The following C17orf75 variants were observed in gnomAD, a reference collection of about 807,000 sequenced individuals.
C17orf75 encodes the protein chromosome 17 open reading frame 75.
Under a neutral mutation model 49.6 loss-of-function variants are expected in C17orf75, and 32 were observed. That is an observed-to-expected ratio of 0.65 (90% confidence interval 0.49 to 0.87). C17orf75 has a LOEUF of 0.87. C17orf75 is among the 40% of genes least tolerant of loss of function. The pLI, the probability that C17orf75 is intolerant of heterozygous loss-of-function variation, is 0.00. For missense variants in C17orf75, 428 were observed against 473.9 expected, an observed-to-expected ratio of 0.90 and a Z score of 0.90; for synonymous variants, 158 against 159.5, an observed-to-expected ratio of 0.99 and a Z score of 0.07.
chr17:32,344,266 T>C, upstream of C17orf75: 1 of 315,138 alleles, frequency 3.2e-6, no homozygotes, highest in Non-Finnish European at 5.9e-6. Context: ...CCCGAAGTGC[T>C]GACATTACAG....
chr17:32,339,813 T>C lies in C17orf75; in HGVS notation c.347A>G (p.Lys116Arg). Residue 116 changes from lysine to arginine, a missense_variant and splice_region_variant, in exon 3 of 10, where the codon AAA (lysine) becomes AGA (arginine). By Grantham distance (26) the Lys-to-Arg change is conservative (BLOSUM62 2). Transcript: ENST00000577809. ...GLGNVASVELKIPGYRVGCYY... is the reference protein window; with the variant it reads ...GLGNVASVELRIPGYRVGCYY... ...AGGACACAGCACATTTTGCACTTAC[T>C]TTAGCTCCACAGATGCAACATTACC... 6.2e-7 allele frequency: 1 copy of C among 1,613,822 alleles called. No individual in the cohort carries two copies. The highest frequency in any genetic ancestry group is 8.5e-7 in the Non-Finnish European group (1 of 1,179,828).
At chr17:32,336,683 A>G (rs903076779) in intron 5 of C17orf75, among the ~76,000 whole-genome samples, 1 of 152,236 alleles carries the variant, frequency 6.6e-6, no homozygotes, top group South Asian at 2.1e-4. Flanking sequence ...ACTTCTGACC[A>G]TAATATAAAT....
At chr17:32,338,187 C>T (rs755709526) in intron 4 of C17orf75, 21 bp downstream of exon 4, 1 of 1,603,218 alleles carries the variant, frequency 6.2e-7, no homozygotes, top group Non-Finnish European at 8.5e-7. Context: ...CTGATGTTCT[C>T]AAAAACCAAA....
At chr17:32,337,786 T>G in intron 5 of C17orf75, 111 bp downstream of exon 5, 1 of 872,428 alleles carries the variant, frequency 1.1e-6, no homozygotes, top group Middle Eastern at 2.3e-4. Context: ...GGCTGGTCTC[T>G]GACCTTGTGA....
chr17:32,336,912 G>A (rs528626837), intron 5 of C17orf75, among the ~76,000 whole-genome samples: 2 of 152,238 alleles, frequency 1.3e-5, no homozygotes, highest in African/African-American at 2.4e-5. Flanking sequence ...TTGGGAGGCC[G>A]AGGCAGGTGG....
chr17:32,329,613 T>C lies in C17orf75; in HGVS notation c.*2150A>G, dbSNP rs1474669442. On this transcript the variant is annotated 3_prime_UTR_variant, in exon 10 of 10. Coordinates refer to ENST00000577809, the MANE Select transcript of C17orf75 (RefSeq NM_022344.4). ...AGAATATGTAATTACACCTTGCCTA[T>C]ATCCATAAATGATTTGAAGCAGGTA... is the stretch of plus-strand genomic sequence containing the variant. The C allele has an allele frequency of 6.6e-6, 1 of 152,200 alleles. No individual in the cohort carries two copies. Among genetic ancestry groups the C allele is most frequent in the African/African-American group, 2.4e-5 (1 of 41,448 alleles). The allele number at this position is 152,200 out of a possible 1,614,324, so 9.4% of individuals were successfully genotyped here. A position where few individuals can be genotyped will look rare whatever the true frequency, so the allele number is the denominator to read the frequency against.
upstream of C17orf75, chr17:32,344,238 A>T: frequency 2.7e-6 from 1 of 371,594 alleles, no homozygotes; most frequent in Non-Finnish European, 5.0e-6. Flanking sequence ...GGCTCAAGTG[A>T]TCCTTCTGCC....
At chr17:32,343,740 T>A, upstream of C17orf75, 1 of 611,816 alleles carries the variant, frequency 1.6e-6, no homozygotes, top group Non-Finnish European at 2.9e-6. Flanking sequence ...TCAGTTTCCT[T>A]ATCTCTCATT....
At chr17:32,338,656 T>C (rs2041306) in intron 3 of C17orf75, among the ~76,000 whole-genome samples, 96,801 of 152,046 alleles carry the variant, frequency 0.64, 32,466 homozygotes, top group African/African-American at 0.81. Context: ...TAAAAAAAAG[T>C]ATGTTCTCCC....
At chr17:32,346,957 CT>C (rs542637232), upstream of C17orf75, among the ~76,000 whole-genome samples, 171 of 144,802 alleles carry the variant, frequency 1.2e-3, 1 homozygote, top group Middle Eastern at 0.011. Flanking sequence ...TTCTTTCTTT[CT>C]TTTTTTTTTT....
At chr17:32,348,051 T>C (rs1188876873) in intron 1 of C17orf75, among the ~76,000 whole-genome samples, 1 of 150,980 alleles carries the variant, frequency 6.6e-6, no homozygotes, top group Non-Finnish European at 1.5e-5. Flanking sequence ...AGAGTCTTGC[T>C]CTGTCGCCCG....
At chr17:32,349,553 C>A (rs2041463420) in intron 1 of C17orf75, among the ~76,000 whole-genome samples, 2 of 151,786 alleles carry the variant, frequency 1.3e-5, no homozygotes, top group African/African-American at 4.9e-5. Flanking sequence ...TGCACTCCAG[C>A]CTGGGAGACA....
chr17:32,349,228 C>A (rs1567807792), intron 1 of C17orf75, among the ~76,000 whole-genome samples: 1 of 152,154 alleles, frequency 6.6e-6, no homozygotes, highest in East Asian at 1.9e-4. Flanking sequence ...GACTTAAACT[C>A]TTTGCTCCCT....
intron 3 of C17orf75, 123 bp downstream of exon 3, chr17:32,339,690 G>T: frequency 7.6e-7 from 1 of 1,320,646 alleles, no homozygotes; most frequent in Non-Finnish European, 1.0e-6. Context: ...CCAGTGCTCG[G>T]GCTGCCAGAG....
chr17:32,332,257 C>T (rs1056698178), intron 9 of C17orf75, among the ~76,000 whole-genome samples: 10 of 152,116 alleles, frequency 6.6e-5, no homozygotes, highest in African/African-American at 2.2e-4. Context: ...ATTCTCCTGC[C>T]TCAGCCTCCC....
chr17:32,339,176 AC>A lies in C17orf75; in HGVS notation c.347+636del, dbSNP rs763139154. Among the ~76,000 whole-genome samples the A allele has an allele frequency of 1.3e-4, 19 of 151,814 alleles. No individual in the cohort carries two copies. The East Asian group carries it at 3.1e-3, about 25-fold the overall frequency. Reference sequence around the variant, plus strand: ...TAAGAATGCTCATGTTTAAGCCTGAACTCCATCAATTTGACCAGCCTCATGA... The same window carrying A: ...TAAGAATGCTCATGTTTAAGCCTGAATCCATCAATTTGACCAGCCTCATGA... On this transcript the variant is annotated intron_variant, in intron 3 of 9. Coordinates refer to ENST00000577809, the MANE Select transcript of C17orf75 (RefSeq NM_022344.4).
chr17:32,329,666 A>C lies in C17orf75; in HGVS notation c.*2097T>G, dbSNP rs1830592408. 6.6e-6 allele frequency: 1 copy of C among 152,220 alleles called. No homozygotes were observed. Among genetic ancestry groups the C allele is most frequent in the Non-Finnish European group, 1.5e-5 (1 of 68,032 alleles). 9.4% of individuals were successfully genotyped at this position (152,220 alleles called of 1,614,324 possible). A position where few individuals can be genotyped will look rare whatever the true frequency, so the allele number is the denominator to read the frequency against. ...ACATTTGCTTTTAAATGCCATTTAC[A>C]ACATAGACTCTTGAATGACATGAAT... On this transcript the variant is annotated 3_prime_UTR_variant, in exon 10 of 10. Coordinates refer to ENST00000577809, the MANE Select transcript of C17orf75 (RefSeq NM_022344.4).
At chr17:32,333,087 AGGG>A (rs912523714) in intron 9 of C17orf75, among the ~76,000 whole-genome samples, 2 of 152,222 alleles carry the variant, frequency 1.3e-5, no homozygotes, top group Non-Finnish European at 2.9e-5. Flanking sequence ...CTGGGATTAC[AGGG>A]GTGAGCCACT....
intron 2 of C17orf75, among the ~76,000 whole-genome samples, chr17:32,340,618 C>A (rs2041369661): frequency 6.6e-6 from 1 of 150,562 alleles, no homozygotes; most frequent in African/African-American, 2.5e-5. Flanking sequence ...GCACTCCAGA[C>A]TGGGCAACAG....
Sources: gnomAD v4.1 joint callset for allele counts (sites outside exome capture counted in the v4.1 genomes callset) on GRCh38, gnomAD v4.1.1 for gene constraint, MANE v1.5 for transcripts, NCBI Gene and HGNC (gene_info 2026-07-23, HGNC 2026-07-21) for gene names.